The following GPAT3 variants were observed in gnomAD, a reference collection of about 807,000 sequenced individuals.
The protein encoded by GPAT3 is glycerol-3-phosphate acyltransferase 3.
GPAT3 carries 53 observed loss-of-function variants against 58.8 expected under a neutral mutation model. That is an observed-to-expected ratio of 0.90 (90% CI 0.72 to 1.13). The LOEUF is 1.13. Ranked by LOEUF, GPAT3 falls within the 50% of genes most tolerant of loss-of-function variation. The pLI is 0.00. For missense variants in GPAT3, 511 were observed against 527.6 expected (o/e 0.97, Z 0.31); for synonymous variants, 197 against 187.4 (o/e 1.05, Z -0.42).
intron 1 of GPAT3, among the ~76,000 whole-genome samples, chr4:83,539,126 C>A (rs1724204623): frequency 6.6e-6 from 1 of 152,142 alleles, no homozygotes; most frequent in Admixed American, 6.5e-5. Flanking sequence ...GTTTCAAAGA[C>A]ATTTCTGTTA....
intron 2 of GPAT3, among the ~76,000 whole-genome samples, chr4:83,561,791 TC>T (rs1481167996): frequency 1.3e-5 from 2 of 149,850 alleles, no homozygotes; most frequent in East Asian, 1.9e-4. Flanking sequence ...ATATCCTTTT[TC>T]CCCCCTTTTT....
chr4:83,578,423 C>T (rs150687431), intron 2 of GPAT3, among the ~76,000 whole-genome samples: 180 of 152,182 alleles, frequency 1.2e-3, no homozygotes, highest in African/African-American at 3.5e-3. Context: ...GCAGAGAAAA[C>T]ATTGCACAAC....
chr4:83,576,187 A>G (rs574910125), intron 2 of GPAT3, among the ~76,000 whole-genome samples: 2 of 152,266 alleles, frequency 1.3e-5, no homozygotes, highest in South Asian at 2.1e-4. Context: ...TAACTCATAT[A>G]TATTCACTGT....
chr4:83,565,751 A>T (rs975616008), intron 2 of GPAT3, among the ~76,000 whole-genome samples: 1 of 152,178 alleles, frequency 6.6e-6, no homozygotes, highest in Non-Finnish European at 1.5e-5. Flanking sequence ...ACAAAATAAG[A>T]GTTTAAAAGG....
Position 83,536,527 on chromosome 4 carries a change from C to G in GPAT3, c.-96C>G. On this transcript the variant is annotated 5_prime_UTR_variant, in exon 1 of 12. Transcript: ENST00000264409. ...AGAGGTGAGTGCCGGGCTCGGCGCTCTGCTCCTGGAGCTCCCGCGGGACTG... is the reference window on the plus strand; with the variant it reads ...AGAGGTGAGTGCCGGGCTCGGCGCTGTGCTCCTGGAGCTCCCGCGGGACTG... 1 of 1,516,232 alleles carries G rather than the reference C, an allele frequency of 6.6e-7. No individual in the cohort carries two copies. Among genetic ancestry groups the G allele is most frequent in the African/African-American group, 1.4e-5 (1 of 72,166 alleles). 93.9% of individuals were successfully genotyped at this position (1,516,232 alleles called of 1,614,324 possible).
chr4:83,604,078 T>A (rs1343938007), intron 11 of GPAT3, among the ~76,000 whole-genome samples: 1 of 152,142 alleles, frequency 6.6e-6, no homozygotes, highest in Non-Finnish European at 1.5e-5. Flanking sequence ...TTTGTTTGTT[T>A]GTTTGTTTTT....
rs185884134 is a variant in GPAT3 at position 83,551,243 on chromosome 4, G to A, written c.208+6641G>A. Among the ~76,000 whole-genome samples, 3 of 151,998 alleles carry A rather than the reference G, an allele frequency of 2.0e-5. No homozygotes were observed. In the East Asian group the frequency reaches 5.8e-4, roughly 29 times the overall value. ...GTACAGCAGTTAAACTGAATTAACT[G>A]GACTTACATGGAAAGAAAAAGGAGA... On this transcript the variant is annotated intron_variant, in intron 2 of 11. Coordinates refer to ENST00000264409, the MANE Select transcript of GPAT3 (RefSeq NM_032717.5).
chr4:83,576,043 A>G (rs1725800632), intron 2 of GPAT3, among the ~76,000 whole-genome samples: 1 of 152,240 alleles, frequency 6.6e-6, no homozygotes, highest in Non-Finnish European at 1.5e-5. Context: ...CTTCATACAT[A>G]GTATTTATTG....
Position 83,562,527 on chromosome 4 carries a change from G to A in GPAT3, c.208+17925G>A, listed in dbSNP as rs1174987592. ...GATAATGGGGGCTTGAACCAGAGCA[G>A]TGGGATTGGTGGAGTTTCCTAGCAG... On this transcript the variant is annotated intron_variant, in intron 2 of 11. Transcript: ENST00000264409. Among the ~76,000 whole-genome samples the A allele has an allele frequency of 2.0e-5, 3 of 151,840 alleles. No homozygotes were observed. The Admixed American group carries it at 2.0e-4, about 10-fold the overall frequency.
intron 2 of GPAT3, among the ~76,000 whole-genome samples, chr4:83,576,040 C>T (rs1380386056): frequency 2.0e-5 from 3 of 152,212 alleles, no homozygotes; most frequent in African/African-American, 7.2e-5. Flanking sequence ...ATCCTTCATA[C>T]ATAGTATTTA....
chr4:83,544,852 G>T (rs956204670), intron 2 of GPAT3, among the ~76,000 whole-genome samples: 1 of 151,670 alleles, frequency 6.6e-6, no homozygotes, highest in Non-Finnish European at 1.5e-5. Flanking sequence ...TGTATTTGAA[G>T]ATGGCTGTCC....
intron 2 of GPAT3, among the ~76,000 whole-genome samples, chr4:83,547,354 G>A (rs1220247033): frequency 2.8e-5 from 4 of 140,970 alleles, no homozygotes; most frequent in Admixed American, 1.5e-4. Flanking sequence ...CCAGATTCAC[G>A]CCATTCTCCT....
At chr4:83,549,242 A>G (rs1724656670) in intron 2 of GPAT3, among the ~76,000 whole-genome samples, 1 of 151,526 alleles carries the variant, frequency 6.6e-6, no homozygotes, top group South Asian at 2.1e-4. Context: ...TTGATAGTTT[A>G]AATTAGCTAA....
chr4:83,570,489 T>C (rs1305706714), intron 2 of GPAT3, among the ~76,000 whole-genome samples: 1 of 150,978 alleles, frequency 6.6e-6, no homozygotes, highest in Non-Finnish European at 1.5e-5. Context: ...TTTTTTTTTT[T>C]TGAGACGGAG....
intron 1 of GPAT3, among the ~76,000 whole-genome samples, chr4:83,543,932 G>A (rs748043631): frequency 3.3e-5 from 5 of 152,050 alleles, no homozygotes; most frequent in East Asian, 1.9e-4. Flanking sequence ...TGAGCCAATC[G>A]TGCCTTAGTT....
At chr4:83,598,571 C>A (rs1262222253) in intron 10 of GPAT3, 73 bp from the exon 11 acceptor site, 2 of 1,199,246 alleles carry the variant, frequency 1.7e-6, no homozygotes, top group Non-Finnish European at 2.4e-6. Flanking sequence ...AAAACAAATA[C>A]AAATGATTAT....
chr4:83,547,854 T>C (rs1235309411), intron 2 of GPAT3, among the ~76,000 whole-genome samples: 3 of 34,660 alleles, frequency 8.7e-5, no homozygotes, highest in Admixed American at 5.6e-4. Flanking sequence ...TCTTCTTCCC[T>C]TTTTTTTTTT....
chr4:83,581,769 T>G lies in GPAT3; in HGVS notation c.416T>G (p.Leu139Arg). The change falls in exon 3 of 12, where the codon CTG (leucine) becomes CGG (arginine). Residue 139 changes from leucine to arginine, a missense_variant. Transcript: ENST00000264409. ...RTNVNFQYISLRLTMVWVLGV... is the reference protein window; with the variant it reads ...RTNVNFQYISRRLTMVWVLGV... ...AATGTAAATTTCCAGTACATCAGTC[T>G]GCGGCTCACTATGGTGTGGGTGCTG... 6.2e-7 allele frequency: 1 copy of G among 1,614,188 alleles called. No homozygotes were observed. The highest frequency in any genetic ancestry group is 8.5e-7 in the Non-Finnish European group (1 of 1,180,036).
At chr4:83,598,464 C>A in intron 10 of GPAT3, 180 bp from the exon 11 acceptor site, 2 of 730,070 alleles carry the variant, frequency 2.7e-6, no homozygotes, top group Non-Finnish European at 4.5e-6. Flanking sequence ...AAAAATTAAA[C>A]AATACAACAC....
Sources: gnomAD v4.1 joint callset for allele counts (sites outside exome capture counted in the v4.1 genomes callset) on GRCh38, gnomAD v4.1.1 for gene constraint, MANE v1.5 for transcripts, NCBI Gene and HGNC (gene_info 2026-07-23, HGNC 2026-07-21) for gene names.